Variants in ANKRD13C observed in about 807,000 individuals in gnomAD.
ANKRD13C encodes ankyrin repeat domain-containing protein 13C.
In ANKRD13C, 16 loss-of-function variants were observed where a neutral mutation model predicts 65.5. The observed-to-expected ratio is 0.24, with a 90% CI of 0.17 to 0.37. The LOEUF (loss-of-function observed/expected upper bound fraction) is 0.37. Among genes scored for constraint, ANKRD13C ranks in the 10% least tolerant of loss-of-function variants. ANKRD13C has a pLI of 1.00. For missense variants in ANKRD13C, 503 were observed against 655.9 expected, an observed-to-expected ratio of 0.77 and a Z score of 2.55; for synonymous variants, 235 against 238.7, an observed-to-expected ratio of 0.98 and a Z score of 0.14.
chr1:70,292,442 C>T lies in ANKRD13C; in HGVS notation c.1161G>A (p.Lys387=). Residue 387 remains lysine, a synonymous_variant, in exon 9 of 13, where the codon AAG becomes AAA. Coordinates refer to ENST00000370944, the MANE Select transcript of ANKRD13C (RefSeq NM_030816.5). ...CTTTACTCAAACTCTCCATGATGGC[C>T]TTATTTCGAAGAATATCCTCTTCAC... The part of the protein sequence containing the change: ...HLSEEDILRN[K]AIMESLSKGG... The T allele has an allele frequency of 1.2e-6, 2 of 1,607,662 alleles. No homozygotes were observed. Among genetic ancestry groups the T allele is most frequent in the Non-Finnish European group, 1.7e-6 (2 of 1,178,204 alleles).
chr1:70,317,877 G>T (rs930316639), intron 3 of ANKRD13C, among the ~76,000 whole-genome samples: 1 of 151,948 alleles, frequency 6.6e-6, no homozygotes, highest in Non-Finnish European at 1.5e-5. Flanking sequence ...AAAAGCAGAG[G>T]CTACATATTT....
chr1:70,283,859 A>G (rs183685284), intron 9 of ANKRD13C, among the ~76,000 whole-genome samples: 2 of 152,256 alleles, frequency 1.3e-5, no homozygotes, highest in East Asian at 3.9e-4. Context: ...GCTTAACTCA[A>G]TATTCTGAAC....
rs189484649 is a variant in ANKRD13C, at chr1:70,331,303, G to A, written c.472+4755C>T. Among the ~76,000 whole-genome samples the A allele has an allele frequency of 3.3e-5, 5 of 151,980 alleles. No individual in the cohort carries two copies. In the East Asian group the frequency reaches 7.7e-4, roughly 24 times the overall value. Reference sequence around the variant, plus strand: ...AGGCCAGGCGCAGTGACTCACACCTGTAATCTCAACACTCTGGGAGGCCGA... The same window carrying A: ...AGGCCAGGCGCAGTGACTCACACCTATAATCTCAACACTCTGGGAGGCCGA... On this transcript the variant is annotated intron_variant, in intron 2 of 12. Coordinates refer to ENST00000370944, the MANE Select transcript of ANKRD13C (RefSeq NM_030816.5).
chr1:70,313,928 AT>A (rs536905467), intron 4 of ANKRD13C, 138 bp from the exon 5 acceptor site: 25 of 508,486 alleles, frequency 4.9e-5, no homozygotes, highest in African/African-American at 4.8e-4. Context: ...GCACCTGTAT[AT>A]TTTATAATAT....
intron 3 of ANKRD13C, among the ~76,000 whole-genome samples, chr1:70,323,803 C>T (rs542600267): frequency 6.6e-6 from 1 of 151,074 alleles, no homozygotes; most frequent in South Asian, 2.1e-4. Flanking sequence ...CGGCTCACTG[C>T]AACCTCCGCC....
chr1:70,297,287 A>T (rs6686181), intron 7 of ANKRD13C, among the ~76,000 whole-genome samples: 13,511 of 98,362 alleles, frequency 0.14, 947 homozygotes, highest in East Asian at 0.36. Context: ...TCCCTTTCTG[A>T]TTTTTTTTTT....
intron 3 of ANKRD13C, among the ~76,000 whole-genome samples, chr1:70,317,072 T>C (rs1681102694): frequency 6.9e-6 from 1 of 144,512 alleles, no homozygotes; most frequent in African/African-American, 2.5e-5. Flanking sequence ...TTTTTTTTTT[T>C]GTCCACATAG....
chr1:70,351,072 C>T (rs1449334142), intron 1 of ANKRD13C, among the ~76,000 whole-genome samples: 2 of 152,158 alleles, frequency 1.3e-5, no homozygotes, highest in Admixed American at 6.5e-5. Context: ...GAGGCAGAAG[C>T]ATCACTTGAA....
At chr1:70,318,030 T>C (rs893344761) in intron 3 of ANKRD13C, among the ~76,000 whole-genome samples, 1 of 152,200 alleles carries the variant, frequency 6.6e-6, no homozygotes, top group Non-Finnish European at 1.5e-5. Context: ...TGGCAACCAC[T>C]GTATATAGCA....
chr1:70,310,281 ATAT>A (rs1195755360), intron 5 of ANKRD13C, among the ~76,000 whole-genome samples: 1 of 152,230 alleles, frequency 6.6e-6, no homozygotes, highest in Non-Finnish European at 1.5e-5. Flanking sequence ...TTTTTAAAAA[ATAT>A]TATGTGTTTT....
At chr1:70,283,091 T>C (rs1344001208) in intron 9 of ANKRD13C, among the ~76,000 whole-genome samples, 1 of 152,204 alleles carries the variant, frequency 6.6e-6, no homozygotes, top group African/African-American at 2.4e-5. Flanking sequence ...TCATTATAAA[T>C]ATCAATTATC....
rs961807603 is a variant in ANKRD13C, at chr1:70,285,653, CAG to C, written c.1215+6733_1215+6734del. ...CACTTTTTTTTTTTTTTTTTTGAGA[CAG>C]AGTCTCGCTCTGTCACCCAGGCTGC... On this transcript the variant is annotated intron_variant, in intron 9 of 12. Coordinates refer to ENST00000370944, the MANE Select transcript of ANKRD13C (RefSeq NM_030816.5). Among the ~76,000 whole-genome samples the C allele has an allele frequency of 6.7e-4, 88 of 130,586 alleles. 1 individual carries two copies. The highest frequency in any genetic ancestry group is 5.1e-3 in the Middle Eastern group (1 of 198). 85.7% of individuals were successfully genotyped at this position (130,586 alleles called of 152,430 possible).
At chr1:70,338,634 A>AG (rs1199139701) in intron 1 of ANKRD13C, among the ~76,000 whole-genome samples, 1 of 152,168 alleles carries the variant, frequency 6.6e-6, no homozygotes, top group Non-Finnish European at 1.5e-5. Flanking sequence ...TCCTGACCTC[A>AG]GGTGATCCGC....
At chr1:70,321,299 C>T (rs1474869851) in intron 3 of ANKRD13C, among the ~76,000 whole-genome samples, 1 of 152,004 alleles carries the variant, frequency 6.6e-6, no homozygotes, top group African/African-American at 2.4e-5. Context: ...AAAGACTAAA[C>T]CACTTTGAAA....
intron 10 of ANKRD13C, among the ~76,000 whole-genome samples, 168 bp downstream of exon 10, chr1:70,276,597 C>A (rs1327015560): frequency 2.0e-5 from 3 of 152,022 alleles, no homozygotes; most frequent in African/African-American, 7.2e-5. Flanking sequence ...GGACACTTTG[C>A]CCTTATCATA....
rs1273816010 is a variant in ANKRD13C at position 70,262,643 on chromosome 1, C to A, written c.*74G>T. On this transcript the variant is annotated 3_prime_UTR_variant, in exon 13 of 13. Coordinates refer to ENST00000370944, the MANE Select transcript of ANKRD13C (RefSeq NM_030816.5). ...CTTTTCTTCACTGAAAGCATTTGTC[C>A]CTTCTATTTGGATCCACTTCTAGGG... 1 of 1,434,898 alleles carries A rather than the reference C, an allele frequency of 7.0e-7. No homozygotes were observed. Among genetic ancestry groups the A allele is most frequent in the Non-Finnish European group, 9.3e-7 (1 of 1,072,068 alleles). 88.9% of individuals were successfully genotyped at this position (1,434,898 alleles called of 1,614,324 possible). A position where few individuals can be genotyped will look rare whatever the true frequency, so the allele number is the denominator to read the frequency against.
chr1:70,354,211 A>G lies in ANKRD13C; in HGVS notation c.198T>C (p.Ala66=). 1 of 1,613,676 alleles carries G rather than the reference A, an allele frequency of 6.2e-7. No individual in the cohort carries two copies. The highest frequency in any genetic ancestry group is 1.3e-5 in the African/African-American group (1 of 75,044). ...CGCCGGGGGGATTGGAGGAGGCCGG[A>G]GCTGCCTTCAGCTGTAGCCGGTGGT... ...NHHHRLQLKA[A]PASSNPPGAP... Residue 66 remains alanine (A), a synonymous_variant, in exon 1 of 13, where the codon GCT becomes GCC. Coordinates refer to ENST00000370944, the MANE Select transcript of ANKRD13C (RefSeq NM_030816.5).
rs560193442 is a variant in ANKRD13C at position 70,307,170 on chromosome 1, A to G, written c.710-880T>C. Among the ~76,000 whole-genome samples the G allele has an allele frequency of 1.1e-4, 16 of 152,338 alleles. No homozygotes were observed. The South Asian group carries it at 3.3e-3, about 32-fold the overall frequency. ...CCTGAGTTAGAAACAAAGACTCTAG[A>G]GAAAATTAAAGGCTAATTTCTTAGT... On this transcript the variant is annotated intron_variant, in intron 5 of 12. Transcript: ENST00000370944.
intron 1 of ANKRD13C, among the ~76,000 whole-genome samples, chr1:70,352,922 G>GT (rs377101963): frequency 5.5e-4 from 84 of 151,888 alleles, no homozygotes; most frequent in African/African-American, 2.0e-3. Flanking sequence ...AATCTTACTC[G>GT]TTTTTTTTAT....
Sources: gnomAD v4.1 joint callset for allele counts (sites outside exome capture counted in the v4.1 genomes callset) on GRCh38, gnomAD v4.1.1 for gene constraint, MANE v1.5 for transcripts, NCBI Gene and HGNC (gene_info 2026-07-23, HGNC 2026-07-21) for gene names.